Variants in GABRA2 observed in about 807,000 individuals in gnomAD.
GABRA2 encodes gamma-aminobutyric acid receptor subunit alpha-2.
A neutral mutation model predicts 48.7 loss-of-function variants in GABRA2; 16 were observed. That is an observed-to-expected ratio of 0.33 (90% CI 0.22 to 0.50). GABRA2 has a LOEUF of 0.50. Among genes scored for constraint, GABRA2 ranks in the 20% least tolerant of loss-of-function variants. The pLI is 0.98. For missense variants in GABRA2, 275 were observed against 535.6 expected, an observed-to-expected ratio of 0.51 and a Z score of 4.80; for synonymous variants, 185 against 184.5, an observed-to-expected ratio of 1.00 and a Z score of -0.02.
intron 3 of GABRA2, among the ~76,000 whole-genome samples, chr4:46,340,396 C>T (rs1733012168): frequency 6.6e-6 from 1 of 151,898 alleles, no homozygotes; most frequent in Non-Finnish European, 1.5e-5. Flanking sequence ...TTCTCACAAG[C>T]TCTGGCAACT....
At chr4:46,264,134 C>T (rs570152) in intron 8 of GABRA2, among the ~76,000 whole-genome samples, 93,348 of 151,758 alleles carry the variant, frequency 0.62, 29,192 homozygotes, top group South Asian at 0.76. Context: ...CTGTTCATTG[C>T]TTATGTACAA....
chr4:46,285,038 A>G (rs893197962), intron 8 of GABRA2, among the ~76,000 whole-genome samples: 3 of 151,478 alleles, frequency 2.0e-5, no homozygotes, highest in African/African-American at 7.3e-5. Flanking sequence ...AAAAAAAAAA[A>G]AAAAAAACCT....
chr4:46,373,160 G>A (rs541080519), intron 3 of GABRA2, among the ~76,000 whole-genome samples: 14 of 152,204 alleles, frequency 9.2e-5, no homozygotes, highest in South Asian at 8.3e-4. Context: ...TGGCAAACGC[G>A]GTGAACATCT....
At position 46,261,640 on chromosome 4, in the gene GABRA2, T is replaced by A. The variant is rs1224850244; in HGVS notation, c.1059+286A>T. The A allele has an allele frequency of 5.9e-6, 3 of 511,468 alleles. No individual in the cohort carries two copies. In the South Asian group the frequency reaches 9.8e-5, roughly 17 times the overall value. 31.7% of individuals were successfully genotyped at this position (511,468 alleles called of 1,614,324 possible). ...AAATAAGAATAAGAAGGCAGTCTAG[T>A]CATAAGGATGCTATAAAGATTATGT... On this transcript the variant is annotated intron_variant, in intron 9 of 9. Coordinates refer to ENST00000381620, the MANE Select transcript of GABRA2 (RefSeq NM_000807.4).
intron 8 of GABRA2, among the ~76,000 whole-genome samples, chr4:46,273,618 C>T (rs1719926516): frequency 6.6e-6 from 1 of 151,184 alleles, no homozygotes; most frequent in East Asian, 1.9e-4. Context: ...ACACCATTCT[C>T]CGGAGTGAGA....
At chr4:46,307,731 C>T (rs1015236760) in intron 6 of GABRA2, among the ~76,000 whole-genome samples, 1 of 152,014 alleles carries the variant, frequency 6.6e-6, no homozygotes, top group Non-Finnish European at 1.5e-5. Context: ...GAGAAAAGCT[C>T]AAGAGTTTAT....
intron 8 of GABRA2, among the ~76,000 whole-genome samples, chr4:46,270,494 C>T (rs2109397519): frequency 6.6e-6 from 1 of 152,056 alleles, no homozygotes; most frequent in Non-Finnish European, 1.5e-5. Flanking sequence ...CTAAATGTTT[C>T]CTTAGCATTT....
At chr4:46,263,914 C>A (rs1306312844) in intron 8 of GABRA2, among the ~76,000 whole-genome samples, 2 of 18,770 alleles carry the variant, frequency 1.1e-4, no homozygotes, top group African/African-American at 6.7e-4. Flanking sequence ...TAGATCAATT[C>A]TCTCTCTCTC....
intron 3 of GABRA2, among the ~76,000 whole-genome samples, chr4:46,342,724 T>G (rs538179864): frequency 1.6e-4 from 24 of 152,202 alleles, no homozygotes; most frequent in African/African-American, 4.6e-4. Flanking sequence ...CACAACATCA[T>G]AGCTCACTGC....
intron 6 of GABRA2, among the ~76,000 whole-genome samples, chr4:46,306,424 G>T (rs1577986906): frequency 6.6e-6 from 1 of 152,228 alleles, no homozygotes; most frequent in Middle Eastern, 3.4e-3. Flanking sequence ...GCAGAAATTA[G>T]CAGAAGTAAG....
chr4:46,254,047 A>G (rs543194874), intron 9 of GABRA2, among the ~76,000 whole-genome samples: 2 of 151,558 alleles, frequency 1.3e-5, no homozygotes, highest in South Asian at 2.1e-4. Flanking sequence ...AGTCTACATA[A>G]TATATATTAT....
chr4:46,367,487 A>T (rs1253614585), intron 3 of GABRA2: 1 of 152,068 alleles, frequency 6.6e-6, no homozygotes, highest in Non-Finnish European at 1.5e-5. Context: ...CACTTCAAAG[A>T]GTATCTCTTT....
At chr4:46,261,847 T>G (rs10938435) in intron 9 of GABRA2, 79 bp downstream of exon 9, 1 of 1,220,140 alleles carries the variant, frequency 8.2e-7, no homozygotes, top group Non-Finnish European at 1.2e-6. Context: ...TTAATGTCAG[T>G]TTTTAGAAAC....
intron 3 of GABRA2, chr4:46,366,311 C>T (rs1253198790): frequency 1.3e-5 from 2 of 152,080 alleles, no homozygotes; most frequent in Non-Finnish European, 2.9e-5. Context: ...CCAAGAAATG[C>T]AATAATAAGA....
At chr4:46,351,684 A>C (rs990783499) in intron 3 of GABRA2, among the ~76,000 whole-genome samples, 5 of 152,060 alleles carry the variant, frequency 3.3e-5, no homozygotes, top group Non-Finnish European at 5.9e-5. Flanking sequence ...ATTACAGACC[A>C]TGTCTGAAAT....
At chr4:46,360,816 G>A (rs1290112585) in intron 3 of GABRA2, among the ~76,000 whole-genome samples, 2 of 152,202 alleles carry the variant, frequency 1.3e-5, no homozygotes, top group Non-Finnish European at 2.9e-5. Context: ...AATCCAGGCT[G>A]AGGTGGTCTC....
chr4:46,264,450 T>G (rs1717693701), intron 8 of GABRA2, among the ~76,000 whole-genome samples: 1 of 152,122 alleles, frequency 6.6e-6, no homozygotes, highest in Non-Finnish European at 1.5e-5. Flanking sequence ...TGTTTGCATT[T>G]TTTTTCACTT....
chr4:46,278,228 A>G (rs936005743), intron 8 of GABRA2, among the ~76,000 whole-genome samples: 1 of 152,148 alleles, frequency 6.6e-6, no homozygotes, highest in African/African-American at 2.4e-5. Context: ...AAAATATCCA[A>G]ACTTTCTGTT....
chr4:46,346,413 A>C (rs1435924659), intron 3 of GABRA2, among the ~76,000 whole-genome samples: 1 of 151,642 alleles, frequency 6.6e-6, no homozygotes, highest in African/African-American at 2.4e-5. Context: ...AATAAAAAAA[A>C]CTCGGCAAGT....
Sources: allele counts gnomAD v4.1 joint callset (sites outside exome capture counted in the v4.1 genomes callset), GRCh38; gene constraint gnomAD v4.1.1; transcripts MANE v1.5; gene names NCBI Gene and HGNC (gene_info 2026-07-23, HGNC 2026-07-21).